The following SNX25 variants were observed in gnomAD, a reference collection of about 807,000 sequenced individuals.
The protein encoded by SNX25 is sorting nexin-25.
Under a neutral mutation model 113.7 loss-of-function variants are expected in SNX25, and 62 were observed. The observed-to-expected ratio is 0.55, with a 90% CI of 0.44 to 0.67. The LOEUF (loss-of-function observed/expected upper bound fraction) is 0.67, where lower values mean the gene tolerates loss of function less well. Ranked by LOEUF, SNX25 falls within the 30% of genes least tolerant of loss-of-function variation. SNX25 has a pLI of 0.00. For synonymous variants in SNX25, 421 were observed against 436.2 expected (o/e 0.97, Z 0.43); for missense variants, 1,014 against 1,161.0 (o/e 0.87, Z 1.84).
chr4:185,209,384 G>A (rs900144938), upstream of SNX25: 2 of 152,388 alleles, frequency 1.3e-5, no homozygotes, highest in African/African-American at 2.4e-5. This position sits in a 1 kb window ranked among gnomAD's most constrained non-coding sequence, Gnocchi z 5.2. Flanking sequence ...ATGAACAGAC[G>A]GCATCCTGTA....
At chr4:185,266,021 T>C (rs1748028352) in intron 4 of SNX25, among the ~76,000 whole-genome samples, 1 of 152,200 alleles carries the variant, frequency 6.6e-6, no homozygotes, top group Non-Finnish European at 1.5e-5. Flanking sequence ...AGGGAAATGC[T>C]TAGTCAGGAT....
chr4:185,360,582 CA>C lies in SNX25; in HGVS notation c.2652-1340del, dbSNP rs1206287592. The stretch of plus-strand genomic sequence containing the variant: ...AGAGGCTTTTCTCCTCCCAACCTCA[CA>C]ACTACTCTTGGGCTCTTTGAACTGT... On this transcript the variant is annotated intron_variant, in intron 16 of 18. Transcript: ENST00000652585. Among the ~76,000 whole-genome samples, 3 of 152,272 alleles carry C rather than the reference CA, an allele frequency of 2.0e-5. No individual in the cohort carries two copies. In the East Asian group the frequency reaches 5.8e-4, roughly 29 times the overall value.
chr4:185,240,660 C>A (rs1199597331), intron 1 of SNX25, among the ~76,000 whole-genome samples: 5 of 151,306 alleles, frequency 3.3e-5, no homozygotes, highest in South Asian at 4.2e-4. Flanking sequence ...CTAACCCCCC[C>A]ACCTCCCTTC....
At chr4:185,220,289 A>G (rs1739579676) in intron 1 of SNX25, among the ~76,000 whole-genome samples, 4 of 151,250 alleles carry the variant, frequency 2.6e-5, no homozygotes, top group South Asian at 2.1e-4. Context: ...TTTAAATTTT[A>G]TTAGTATTAT....
intron 1 of SNX25, among the ~76,000 whole-genome samples, chr4:185,214,985 CT>C (rs371654418): frequency 6.6e-6 from 1 of 152,144 alleles, no homozygotes; most frequent in African/African-American, 2.4e-5. Context: ...AATCCCAGCA[CT>C]TTGGGAGGCT....
intron 5 of SNX25, among the ~76,000 whole-genome samples, chr4:185,268,228 TA>T (rs1246809807): frequency 6.6e-6 from 1 of 152,204 alleles, no homozygotes; most frequent in Non-Finnish European, 1.5e-5. Context: ...TGTTTCAAAT[TA>T]CAGAGTAGAA....
At chr4:185,218,141 G>A (rs1445628490) in intron 1 of SNX25, among the ~76,000 whole-genome samples, 1 of 152,220 alleles carries the variant, frequency 6.6e-6, no homozygotes, top group Non-Finnish European at 1.5e-5. Context: ...CTGGAGTGCA[G>A]TGGCACAATC....
In SNX25 at chr4:185,209,874, G is replaced by A; in HGVS notation, c.48G>A (p.Ala16=). The part of the protein sequence containing the change: ...TDSGGAGPSP[A]RAAGAGGRPV... ...GTGGCGGCGCCGGCCCCAGCCCCGCGCGGGCCGCAGGCGCCGGCGGCCGTC... is the reference window on the plus strand; with the variant it reads ...GTGGCGGCGCCGGCCCCAGCCCCGCACGGGCCGCAGGCGCCGGCGGCCGTC... The change falls in exon 1 of 19, where the codon GCG becomes GCA. Residue 16 remains alanine, a synonymous_variant. Transcript: ENST00000652585. The surrounding 1 kb of genome is among the most constrained non-coding windows in gnomAD (Gnocchi z 5.2). 1.0e-6 allele frequency: 1 copy of A among 983,240 alleles called. No homozygotes were observed. Among genetic ancestry groups the A allele is most frequent in the Non-Finnish European group, 1.2e-6 (1 of 829,148 alleles). 60.9% of individuals were successfully genotyped at this position (983,240 alleles called of 1,614,324 possible). A position where few individuals can be genotyped will look rare whatever the true frequency, so the allele number is the denominator to read the frequency against.
intron 10 of SNX25, among the ~76,000 whole-genome samples, chr4:185,333,108 C>A (rs2095206975): frequency 6.6e-6 from 1 of 152,210 alleles, no homozygotes; most frequent in African/African-American, 2.4e-5. Context: ...TGTTTTCTTT[C>A]AACTGCTGCA....
At chr4:185,228,026 A>G (rs1385056443) in intron 1 of SNX25, among the ~76,000 whole-genome samples, 1 of 152,150 alleles carries the variant, frequency 6.6e-6, no homozygotes, top group Non-Finnish European at 1.5e-5. Flanking sequence ...CCAGTGGGGC[A>G]GAGAGGTGCA....
chr4:185,257,771 C>CT (rs1367003368), intron 2 of SNX25, among the ~76,000 whole-genome samples: 1 of 152,042 alleles, frequency 6.6e-6, no homozygotes, highest in Non-Finnish European at 1.5e-5. Context: ...TAGCACTGGT[C>CT]TATGGCTAGG....
At chr4:185,258,647 GGTC>G (rs1479703689) in intron 2 of SNX25, among the ~76,000 whole-genome samples, 198 bp from the exon 3 acceptor site, 2 of 152,072 alleles carry the variant, frequency 1.3e-5, no homozygotes, top group Admixed American at 1.3e-4. Flanking sequence ...TTTAGGACAT[GGTC>G]ACCATACCTA....
At chr4:185,345,804 A>G (rs1405964271) in intron 12 of SNX25, among the ~76,000 whole-genome samples, 2 of 151,838 alleles carry the variant, frequency 1.3e-5, no homozygotes, top group East Asian at 3.8e-4. Context: ...AAAAAAAGGA[A>G]AGAAATGCAG....
intron 1 of SNX25, among the ~76,000 whole-genome samples, chr4:185,240,711 C>A (rs1403261267): frequency 1.3e-5 from 2 of 151,892 alleles, no homozygotes; most frequent in African/African-American, 4.8e-5. Context: ...ACCCCCACCT[C>A]CCTCCCAGAC....
chr4:185,303,863 T>A (rs1344103240), intron 6 of SNX25, among the ~76,000 whole-genome samples: 2 of 151,994 alleles, frequency 1.3e-5, no homozygotes, highest in Non-Finnish European at 2.9e-5. Flanking sequence ...TCTCAGGTGT[T>A]TAGAGTGGTA....
At chr4:185,318,930 A>G (rs2095096476) in intron 7 of SNX25, among the ~76,000 whole-genome samples, 1 of 152,148 alleles carries the variant, frequency 6.6e-6, no homozygotes, top group African/African-American at 2.4e-5. Flanking sequence ...AAGGTTCAAT[A>G]TCTCCACAGG....
Position 185,320,750 on chromosome 4 carries a change from T to C in SNX25, c.1362T>C (p.Asp454=). Residue 454 remains aspartate (D), a synonymous_variant, in exon 8 of 19, where the codon GAT becomes GAC. Coordinates refer to ENST00000652585, the MANE Select transcript of SNX25 (RefSeq NM_001378034.2). ...PQSQKILQFE[D]ILANTFYREH... Reference sequence around the variant, plus strand: ...CTTAATAGATTCTTCAGTTTGAAGATATCTTGGCCAATACGTTCTACCGAG... The same window carrying C: ...CTTAATAGATTCTTCAGTTTGAAGACATCTTGGCCAATACGTTCTACCGAG... 1 of 1,544,912 alleles carries C rather than the reference T, an allele frequency of 6.5e-7. No homozygotes were observed. The highest frequency in any genetic ancestry group is 8.7e-7 in the Non-Finnish European group (1 of 1,149,476).
Position 185,262,443 on chromosome 4 carries a change from G to GA in SNX25, c.732-1988dup, listed in dbSNP as rs1268316505. Among the ~76,000 whole-genome samples the GA allele has an allele frequency of 3.3e-5, 5 of 152,116 alleles. No homozygotes were observed. The East Asian group carries it at 5.8e-4, about 18-fold the overall frequency. ...TCGAGTACTGGCATACAGTTTGAGG[G>GA]AAAAAAAGAATGTTTTTATTCGTGT... On this transcript the variant is annotated intron_variant, in intron 3 of 18. Transcript: ENST00000652585.
At chr4:185,323,347 G>T (rs551206433) in intron 8 of SNX25, among the ~76,000 whole-genome samples, 181 bp from the exon 9 acceptor site, 107 of 144,966 alleles carry the variant, frequency 7.4e-4, no homozygotes, top group African/African-American at 2.5e-3. Context: ...TAAAGAATTA[G>T]TTTTTTTTTT....
Sources: gnomAD v4.1 joint callset for allele counts (sites outside exome capture counted in the v4.1 genomes callset) on GRCh38, gnomAD v4.1.1 for gene constraint, Gnocchi (gnomAD v3.1) non-coding constraint, MANE v1.5 for transcripts, NCBI Gene and HGNC (gene_info 2026-07-23, HGNC 2026-07-21) for gene names.